OLFML1: variants seen among roughly 807,000 people sequenced by gnomAD.
The protein encoded by OLFML1 is olfactomedin-like protein 1.
Under a neutral mutation model 37.3 loss-of-function variants are expected in OLFML1, and 33 were observed. The ratio of observed to expected loss-of-function variants is 0.88; its 90% confidence interval spans 0.67 to 1.18. The LOEUF (loss-of-function observed/expected upper bound fraction) is 1.18, where lower values mean the gene tolerates loss of function less well. Ranked by LOEUF, OLFML1 falls within the 50% of genes most tolerant of loss-of-function variation. The probability of loss-of-function intolerance (pLI) is 0.00; values close to 1 mark genes in which losing one functional copy is unlikely to be tolerated. For synonymous variants in OLFML1, 186 were observed against 181.3 expected, an observed-to-expected ratio of 1.03 and a Z score of -0.21; for missense variants, 545 against 483.7, an observed-to-expected ratio of 1.13 and a Z score of -1.19.
At chr11:7,494,467 C>T (rs1848637926) in intron 2 of OLFML1, among the ~76,000 whole-genome samples, 1 of 152,216 alleles carries the variant, frequency 6.6e-6, no homozygotes, top group African/African-American at 2.4e-5. Context: ...TATTATCTCC[C>T]GTTTTATAGA....
rs1848517662 is a variant in OLFML1, at chr11:7,486,012, G to T, written c.129+8G>T. 1 of 1,613,248 alleles carries T rather than the reference G, an allele frequency of 6.2e-7. No individual in the cohort carries two copies. Among genetic ancestry groups the T allele is most frequent in the African/African-American group, 1.3e-5 (1 of 74,896 alleles). ...CGCTTTCGAGTCTTGGAGGTAGGTG[G>T]CATCTGTACACCTTGGATAAGTAAC... On this transcript the variant is annotated splice_region_variant and intron_variant, in intron 1 of 2. Coordinates refer to ENST00000329293, the MANE Select transcript of OLFML1 (RefSeq NM_198474.4).
At position 7,488,247 on chromosome 11, in the gene OLFML1, G is replaced by T; in HGVS notation, c.250G>T (p.Ala84Ser). The T allele has an allele frequency of 6.2e-7, 1 of 1,614,100 alleles. No individual in the cohort carries two copies. The highest frequency in any genetic ancestry group is 8.5e-7 in the Non-Finnish European group (1 of 1,179,996). ...GACCTACACAAGTGAGTACAAGAGT[G>T]CAGTGGGTAACTTGGCACTGAGAGT... ...CQTYTSEYKS[A>S]VGNLALRVER... Residue 84 changes from alanine (A) to serine (S), a missense_variant, in exon 2 of 3, where the codon GCA (alanine) becomes TCA (serine). Transcript: ENST00000329293.
intron 2 of OLFML1, among the ~76,000 whole-genome samples, chr11:7,498,198 T>C (rs1433139952): frequency 6.6e-6 from 1 of 152,224 alleles, no homozygotes; most frequent in East Asian, 1.9e-4. Context: ...TTCAGCATAA[T>C]AACTGCCCTA....
At chr11:7,491,135 ATATATATT>A (rs1052554211) in intron 2 of OLFML1, among the ~76,000 whole-genome samples, 15 of 149,392 alleles carry the variant, frequency 1.0e-4, no homozygotes, top group Non-Finnish European at 1.8e-4. Flanking sequence ...TATATAATTA[ATATATATT>A]TATATATTTT....
chr11:7,488,328 T>C lies in OLFML1; in HGVS notation c.331T>C (p.Cys111Arg), dbSNP rs1427169463. ...YIQYLREADE[C>R]IESEDKTLAE... The stretch of plus-strand genomic sequence containing the variant: ...ACAATACCTTCGAGAGGCTGACGAG[T>C]GCATCGAATCAGAGGACAAGACACT... Residue 111 changes from cysteine to arginine, a missense_variant, in exon 2 of 3, where the codon TGC (cysteine) becomes CGC (arginine). Coordinates refer to ENST00000329293, the MANE Select transcript of OLFML1 (RefSeq NM_198474.4). 6.2e-7 allele frequency: 1 copy of C among 1,613,784 alleles called. No homozygotes were observed. The highest frequency in any genetic ancestry group is 1.7e-5 in the Admixed American group (1 of 59,984).
At chr11:7,501,838 T>A (rs947442402) in intron 2 of OLFML1, among the ~76,000 whole-genome samples, 1 of 152,248 alleles carries the variant, frequency 6.6e-6, no homozygotes, top group Non-Finnish European at 1.5e-5. Flanking sequence ...ACTATTTTTT[T>A]AATTCATTCA....
In OLFML1 at chr11:7,511,034, A is replaced by C. The variant is rs1024822807; in HGVS notation, c.*846A>C. On this transcript the variant is annotated 3_prime_UTR_variant, in exon 3 of 3. Coordinates refer to ENST00000329293, the MANE Select transcript of OLFML1 (RefSeq NM_198474.4). ...GAGTAACACAATTACAAAGTGAAAGATACAGCTAGAAAATACTACAAATCC... is the reference window on the plus strand; with the variant it reads ...GAGTAACACAATTACAAAGTGAAAGCTACAGCTAGAAAATACTACAAATCC... The C allele has an allele frequency of 3.9e-5, 6 of 152,254 alleles. No individual in the cohort carries two copies. The highest frequency in any genetic ancestry group is 8.8e-5 in the Non-Finnish European group (6 of 68,042). The allele number at this position is 152,254 out of a possible 1,614,324, so 9.4% of individuals were successfully genotyped here. A position where few individuals can be genotyped will look rare whatever the true frequency, so the allele number is the denominator to read the frequency against.
rs1848550552 is a variant in OLFML1, at chr11:7,488,262, G to T, written c.265G>T (p.Ala89Ser). 2 of 1,613,924 alleles carry T rather than the reference G, an allele frequency of 1.2e-6. No homozygotes were observed. The change falls in exon 2 of 3, where the codon GCA becomes TCA. Residue 89 changes from alanine to serine, a missense_variant. By Grantham distance (99) the Ala-to-Ser change is moderately conservative (BLOSUM62 1). Coordinates refer to ENST00000329293, the MANE Select transcript of OLFML1 (RefSeq NM_198474.4). Reference sequence around the variant, plus strand: ...GTACAAGAGTGCAGTGGGTAACTTGGCACTGAGAGTTGAACGTGCCCAACG... The same window carrying T: ...GTACAAGAGTGCAGTGGGTAACTTGTCACTGAGAGTTGAACGTGCCCAACG... The part of the protein sequence containing the change: ...SEYKSAVGNL[A>S]LRVERAQREI...
At chr11:7,490,781 T>C (rs549452990) in intron 2 of OLFML1, among the ~76,000 whole-genome samples, 62 of 152,320 alleles carry the variant, frequency 4.1e-4, no homozygotes, top group African/African-American at 1.4e-3. Context: ...TGTGCTGCAC[T>C]GCAGGGATGG....
rs1476022496 is a variant in OLFML1, at chr11:7,509,746, T to C, written c.767T>C (p.Val256Ala). The C allele has an allele frequency of 1.2e-6, 2 of 1,614,068 alleles. 1 individual carries two copies. Among genetic ancestry groups the C allele is most frequent in the Admixed American group, 3.3e-5 (2 of 60,026 alleles). The change falls in exon 3 of 3, where the codon GTA (valine) becomes GCA (alanine). Residue 256 changes from valine (V) to alanine (A), a missense_variant. Coordinates refer to ENST00000329293, the MANE Select transcript of OLFML1 (RefSeq NM_198474.4). The stretch of plus-strand genomic sequence containing the variant: ...GATCGAATGCTGCTCCCAGGAGGGG[T>C]AGGCCGAGCATTGGTTTACCAGCAC... ...VEDRMLLPGG[V>A]GRALVYQHSP...
At position 7,488,320 on chromosome 11, in the gene OLFML1, C is replaced by T. The variant is rs150131057; in HGVS notation, c.323C>T (p.Ala108Val). ...EIDYIQYLRE[A>V]DECIESEDKT... Reference sequence around the variant, plus strand: ...GACTACATACAATACCTTCGAGAGGCTGACGAGTGCATCGAATCAGAGGAC... The same window carrying T: ...GACTACATACAATACCTTCGAGAGGTTGACGAGTGCATCGAATCAGAGGAC... Residue 108 changes from alanine to valine, a missense_variant, in exon 2 of 3, where the codon GCT becomes GTT. Physicochemically the swap from Ala to Val is moderately conservative, Grantham distance 64. Transcript: ENST00000329293. 1.2e-6 allele frequency: 2 copies of T among 1,614,052 alleles called. No individual in the cohort carries two copies. The highest frequency in any genetic ancestry group is 1.1e-5 in the South Asian group (1 of 91,082).
At chr11:7,497,090 C>T (rs1326541351) in intron 2 of OLFML1, among the ~76,000 whole-genome samples, 5 of 152,168 alleles carry the variant, frequency 3.3e-5, no homozygotes, top group African/African-American at 1.2e-4. Flanking sequence ...GTTGACGAGC[C>T]TGGATGCTCT....
chr11:7,489,968 A>T (rs764688063), intron 2 of OLFML1, among the ~76,000 whole-genome samples: 1 of 152,116 alleles, frequency 6.6e-6, no homozygotes, highest in Non-Finnish European at 1.5e-5. Flanking sequence ...TGTCAGCTCT[A>T]TGAGAGCTTG....
At chr11:7,506,974 A>G (rs1590063928) in intron 2 of OLFML1, among the ~76,000 whole-genome samples, 1 of 152,186 alleles carries the variant, frequency 6.6e-6, no homozygotes, top group African/African-American at 2.4e-5. Flanking sequence ...GGAGATTCAG[A>G]GTATAACCCC....
intron 1 of OLFML1, 80 bp downstream of exon 1, chr11:7,486,084 T>C: frequency 7.3e-7 from 1 of 1,364,442 alleles, no homozygotes; most frequent in Non-Finnish European, 1.0e-6. Context: ...CTCTATCTAC[T>C]GGGTTGTATT....
intron 2 of OLFML1, 110 bp from the exon 3 acceptor site, chr11:7,509,288 T>G (rs1848823206): frequency 6.6e-6 from 5 of 756,536 alleles, no homozygotes; most frequent in Non-Finnish European, 1.1e-5. Context: ...ATATTCCCCA[T>G]CAGTATTAGA....
intron 2 of OLFML1, among the ~76,000 whole-genome samples, chr11:7,501,383 A>G (rs1848724231): frequency 6.6e-6 from 1 of 152,112 alleles, no homozygotes; most frequent in South Asian, 2.1e-4. Flanking sequence ...GCTTCCTATA[A>G]CCGAGGCTGA....
At chr11:7,506,382 C>T (rs1006801275) in intron 2 of OLFML1, among the ~76,000 whole-genome samples, 3 of 151,952 alleles carry the variant, frequency 2.0e-5, no homozygotes, top group African/African-American at 4.8e-5. Context: ...GTGAGGGTAG[C>T]GACAGGGGAA....
At position 7,510,277 on chromosome 11, in the gene OLFML1, C is replaced by G. The variant is rs77933621; in HGVS notation, c.*89C>G. On this transcript the variant is annotated 3_prime_UTR_variant, in exon 3 of 3. Transcript: ENST00000329293. ...ATAGCCCCTTCACAATATAGTATCC[C>G]TCTAATCACACACAGGAAGAGTGTG... 0.075 allele frequency: 76,126 copies of G among 1,011,680 alleles called. 3,728 individuals are homozygous for G. Among genetic ancestry groups the G allele is most frequent in the Admixed American group, 0.17 (6,579 of 37,752 alleles). 62.7% of individuals were successfully genotyped at this position (1,011,680 alleles called of 1,614,324 possible).
Sources: allele counts gnomAD v4.1 joint callset (sites outside exome capture counted in the v4.1 genomes callset), GRCh38; gene constraint gnomAD v4.1.1; transcripts MANE v1.5; gene names NCBI Gene and HGNC (gene_info 2026-07-23, HGNC 2026-07-21).